Variants in APPL1 observed in about 807,000 individuals in gnomAD.
APPL1 encodes the protein adaptor protein, phosphotyrosine interacting with PH domain and leucine zipper 1, also known as DCC-interacting protein 13-alpha.
Under a neutral mutation model 106.8 loss-of-function variants are expected in APPL1, and 42 were observed. The observed-to-expected ratio is 0.39, with a 90% CI of 0.31 to 0.51. The LOEUF is 0.51. APPL1 is among the 20% of genes least tolerant of loss of function. The probability of loss-of-function intolerance (pLI) is 0.75; values close to 1 mark genes in which losing one functional copy is unlikely to be tolerated. For synonymous variants in APPL1, 263 were observed against 281.8 expected (o/e 0.93, Z 0.67); for missense variants, 769 against 858.2 (o/e 0.90, Z 1.30).
At chr3:57,240,373 G>T in intron 4 of APPL1, 92 bp from the exon 5 acceptor site, 1 of 969,596 alleles carries the variant, frequency 1.0e-6, no homozygotes, top group South Asian at 1.4e-5. Flanking sequence ...AAATATATCA[G>T]AACCATTTTT....
Position 57,269,624 on chromosome 3 carries a change from C to A in APPL1, c.2067C>A (p.Ser689Arg), listed in dbSNP as rs2060921269. The A allele has an allele frequency of 3.7e-6, 6 of 1,614,000 alleles. No homozygotes were observed. Among genetic ancestry groups the A allele is most frequent in the Non-Finnish European group, 3.4e-6 (4 of 1,179,974 alleles). ...GTGAGGGGCAGTTTGTTGTCCTTAG[C>A]AGTAGCCAGTCAGAAGAGAGTGATT... The part of the protein sequence containing the change: ...ASSEGQFVVL[S>R]SSQSEESDLG... Residue 689 changes from serine to arginine, a missense_variant, in exon 22 of 22, where the codon AGC (serine) becomes AGA (arginine). Transcript: ENST00000288266.
chr3:57,252,240 T>C, intron 11 of APPL1, 29 bp from the exon 12 acceptor site: 2 of 1,589,896 alleles, frequency 1.3e-6, no homozygotes, highest in African/African-American at 2.7e-5. Flanking sequence ...TTTTAAACAG[T>C]TGAGGCTCAA....
rs76251969 is a variant in APPL1, at chr3:57,244,635, T to A, written c.475-1441T>A. 9.9e-3 allele frequency among the ~76,000 whole-genome samples: 1,501 copies of A among 152,284 alleles called. 18 individuals carry two copies. Among genetic ancestry groups the A allele is most frequent in the African/African-American group, 0.034 (1,431 of 41,552 alleles). On this transcript the variant is annotated intron_variant, in intron 7 of 21. Transcript: ENST00000288266. ...ACAATAAAGGAAATGTTAGGAGATA[T>A]GGCAGAAAGAGTAAGAAGTATATTA... is the stretch of plus-strand genomic sequence containing the variant.
intron 19 of APPL1, among the ~76,000 whole-genome samples, chr3:57,266,407 C>T (rs531762813): frequency 6.6e-6 from 1 of 152,198 alleles, no homozygotes. Context: ...TGGATTTCTT[C>T]GTGGTTCAAT....
intron 19 of APPL1, among the ~76,000 whole-genome samples, chr3:57,265,315 A>T (rs1193918143): frequency 6.6e-6 from 1 of 151,806 alleles, no homozygotes; most frequent in Non-Finnish European, 1.5e-5. Flanking sequence ...CCACCTGGCT[A>T]ATTTTTGTAT....
chr3:57,270,335 CTTCAGTTCAAGAT>C lies in APPL1; in HGVS notation c.*650_*662del, dbSNP rs1025162571. On this transcript the variant is annotated 3_prime_UTR_variant, in exon 22 of 22. Transcript: ENST00000288266. ...GCCAGTAGGAAAGAAGCTTAAGTGTCTTCAGTTCAAGATTGATAGAGCCCTTGGCATTTTATTA... is the reference window on the plus strand; with the variant it reads ...GCCAGTAGGAAAGAAGCTTAAGTGTCTGATAGAGCCCTTGGCATTTTATTA... 4.6e-5 allele frequency: 7 copies of C among 152,618 alleles called. No individual in the cohort carries two copies. Among genetic ancestry groups the C allele is most frequent in the African/African-American group, 1.7e-4 (7 of 41,432 alleles). 9.5% of individuals were successfully genotyped at this position (152,618 alleles called of 1,614,324 possible).
chr3:57,231,825 A>G (rs2060688426), intron 1 of APPL1, among the ~76,000 whole-genome samples: 1 of 151,766 alleles, frequency 6.6e-6, no homozygotes, highest in Admixed American at 6.6e-5. Context: ...AAAAAAAAAA[A>G]AGAGCCTGGG....
intron 15 of APPL1, among the ~76,000 whole-genome samples, chr3:57,258,606 C>A (rs564626941): frequency 6.6e-6 from 1 of 152,332 alleles, no homozygotes; most frequent in East Asian, 1.9e-4. Context: ...AGGTTTAAAA[C>A]TAGATTATAG....
chr3:57,262,384 C>CTT (rs1281642126), intron 19 of APPL1, among the ~76,000 whole-genome samples: 1 of 17,940 alleles, frequency 5.6e-5, no homozygotes, highest in Non-Finnish European at 1.2e-4. Context: ...TGGAAAATAA[C>CTT]CTTTTTTTTT....
chr3:57,240,201 A>G (rs2060738259), intron 4 of APPL1, among the ~76,000 whole-genome samples: 1 of 148,426 alleles, frequency 6.7e-6, no homozygotes, highest in Non-Finnish European at 1.5e-5. Context: ...GATGATGTCC[A>G]TTATATATTT....
At chr3:57,232,927 G>A (rs936322371) in intron 1 of APPL1, among the ~76,000 whole-genome samples, 10 of 152,156 alleles carry the variant, frequency 6.6e-5, no homozygotes, top group East Asian at 1.9e-4. Flanking sequence ...GCATGAATCC[G>A]GGAGGCGGAG....
intron 2 of APPL1, among the ~76,000 whole-genome samples, chr3:57,236,484 A>G (rs144575881): frequency 7.3e-5 from 11 of 150,166 alleles, no homozygotes; most frequent in African/African-American, 2.7e-4. Flanking sequence ...ATGCACTACT[A>G]CGCCCAGATA....
chr3:57,237,210 T>C (rs112357568), intron 2 of APPL1, among the ~76,000 whole-genome samples: 1 of 152,204 alleles, frequency 6.6e-6, no homozygotes, highest in African/African-American at 2.4e-5. Context: ...GCTAAGGTTA[T>C]ATCAGTTTAT....
chr3:57,244,757 T>C lies in APPL1; in HGVS notation c.475-1319T>C, dbSNP rs563375753. Among the ~76,000 whole-genome samples the C allele has an allele frequency of 2.6e-5, 4 of 152,304 alleles. No individual in the cohort carries two copies. In the South Asian group the frequency reaches 8.3e-4, roughly 32 times the overall value. On this transcript the variant is annotated intron_variant, in intron 7 of 21. Transcript: ENST00000288266. ...GTAGGTGAATAACATCATGCAATTG[T>C]GTTATAGAACAAACATACTAATGAA...
chr3:57,257,519 G>C (rs933174592), intron 15 of APPL1, 91 bp downstream of exon 15: 1 of 1,114,990 alleles, frequency 9.0e-7, no homozygotes, highest in African/African-American at 1.6e-5. Context: ...TATTTATAAT[G>C]TATATCAGCT....
At chr3:57,255,794 T>TA (rs1331837627) in intron 13 of APPL1, among the ~76,000 whole-genome samples, 1 of 152,186 alleles carries the variant, frequency 6.6e-6, no homozygotes, top group Non-Finnish European at 1.5e-5. Context: ...CAACAAAAAA[T>TA]ACCATTAAAA....
At chr3:57,232,051 A>C (rs544294577) in intron 1 of APPL1, among the ~76,000 whole-genome samples, 1 of 152,350 alleles carries the variant, frequency 6.6e-6, no homozygotes, top group Admixed American at 6.5e-5. Flanking sequence ...CCATTGAGCC[A>C]GAAAATCTTA....
intron 3 of APPL1, 103 bp from the exon 4 acceptor site, chr3:57,237,941 AT>A (rs950970296): frequency 2.4e-6 from 2 of 837,440 alleles, no homozygotes; most frequent in Admixed American, 2.8e-5. Context: ...CTTTTTCAAA[AT>A]TTTGGAAGTT....
rs1178655569 is a variant in APPL1, at chr3:57,257,345, A to G, written c.1347A>G (p.Pro449=). 4.3e-6 allele frequency: 7 copies of G among 1,613,970 alleles called. No individual in the cohort carries two copies. The African/African-American group carries it at 9.3e-5, about 22-fold the overall frequency. The change falls in exon 15 of 22, where the codon CCA becomes CCG. Residue 449 remains proline (P), a synonymous_variant. Transcript: ENST00000288266. The part of the protein sequence containing the change: ...AALSLDSLVA[P]DTPIQFDIIS... Reference sequence around the variant, plus strand: ...TCTCTCTAGATTCTCTTGTTGCCCCAGACACCCCAATACAGTTTGACATAA... The same window carrying G: ...TCTCTCTAGATTCTCTTGTTGCCCCGGACACCCCAATACAGTTTGACATAA...
Sources: allele counts gnomAD v4.1 joint callset (sites outside exome capture counted in the v4.1 genomes callset), GRCh38; gene constraint gnomAD v4.1.1; transcripts MANE v1.5; gene names NCBI Gene and HGNC (gene_info 2026-07-23, HGNC 2026-07-21).